The following LYN variants were observed in gnomAD, a reference collection of about 807,000 sequenced individuals.
LYN encodes the protein LYN proto-oncogene, Src family tyrosine kinase.
LYN carries 12 observed loss-of-function variants against 65.0 expected under a neutral mutation model. The ratio of observed to expected loss-of-function variants is 0.18; its 90% CI spans 0.12 to 0.30. LYN has a LOEUF of 0.30. LYN is among the 10% of genes least tolerant of loss of function. LYN has a pLI of 1.00. For synonymous variants in LYN, 222 were observed against 221.2 expected (o/e 1.00, Z -0.03); for missense variants, 380 against 623.2 (o/e 0.61, Z 4.16).
intron 1 of LYN, among the ~76,000 whole-genome samples, chr8:55,890,806 T>C (rs568869594): frequency 1.1e-4 from 16 of 151,758 alleles, no homozygotes; most frequent in African/African-American, 3.6e-4. Flanking sequence ...CAGCTCACTA[T>C]AGACTTGACT....
At chr8:55,933,952 G>A (rs1806340230) in intron 1 of LYN, among the ~76,000 whole-genome samples, 1 of 152,228 alleles carries the variant, frequency 6.6e-6, no homozygotes, top group Non-Finnish European at 1.5e-5. Context: ...CTTTGGCCAG[G>A]CGCAGTGGCT....
At chr8:55,928,299 C>A (rs1305081461) in intron 1 of LYN, among the ~76,000 whole-genome samples, 1 of 152,168 alleles carries the variant, frequency 6.6e-6, no homozygotes, top group Non-Finnish European at 1.5e-5. Flanking sequence ...GCAAGCGCCA[C>A]CACGCCCGGC....
chr8:55,951,009 G>A (rs928824327), intron 6 of LYN, among the ~76,000 whole-genome samples: 1 of 152,126 alleles, frequency 6.6e-6, no homozygotes, highest in Non-Finnish European at 1.5e-5. Flanking sequence ...TTGGGAGGCT[G>A]AGGCGAGAGG....
At chr8:55,991,237 A>G (rs1808239678) in intron 10 of LYN, among the ~76,000 whole-genome samples, 1 of 152,148 alleles carries the variant, frequency 6.6e-6, no homozygotes, top group Non-Finnish European at 1.5e-5. Flanking sequence ...TGAAGGGTTG[A>G]CACTTCCTGT....
chr8:55,903,323 A>G (rs1453551551), intron 1 of LYN, among the ~76,000 whole-genome samples: 1 of 152,202 alleles, frequency 6.6e-6, no homozygotes, highest in Admixed American at 6.5e-5. Flanking sequence ...AGTTGTCTTC[A>G]TGGTGAGCAG....
intron 8 of LYN, among the ~76,000 whole-genome samples, chr8:55,959,560 C>T (rs1305952329): frequency 6.6e-6 from 1 of 151,978 alleles, no homozygotes; most frequent in African/African-American, 2.4e-5. Context: ...AAGAAATTGC[C>T]CAGGGTTTCC....
chr8:55,976,556 A>G (rs1408580844), intron 10 of LYN, among the ~76,000 whole-genome samples: 1 of 152,102 alleles, frequency 6.6e-6, no homozygotes, highest in Admixed American at 6.5e-5. Flanking sequence ...GGCACATGGC[A>G]TGGAGTGGGG....
chr8:56,008,187 A>T (rs1452529695), intron 12 of LYN, among the ~76,000 whole-genome samples: 1 of 152,164 alleles, frequency 6.6e-6, no homozygotes, highest in Non-Finnish European at 1.5e-5. Context: ...CAATTTGTTG[A>T]TCCCAAATTG....
chr8:55,953,075 T>C (rs902562361), intron 7 of LYN, among the ~76,000 whole-genome samples: 1 of 152,212 alleles, frequency 6.6e-6, no homozygotes, highest in Non-Finnish European at 1.5e-5. Context: ...TTGTAGATTC[T>C]TGCCTTCCTC....
chr8:55,889,178 G>A (rs73604848), intron 1 of LYN, among the ~76,000 whole-genome samples: 79 of 152,122 alleles, frequency 5.2e-4, no homozygotes, highest in Admixed American at 1.4e-3. Context: ...CCAGGCCTGC[G>A]TAATTTTTTT....
chr8:55,886,073 TC>T (rs143083385), intron 1 of LYN, among the ~76,000 whole-genome samples: 1,788 of 152,278 alleles, frequency 0.012, 30 homozygotes, highest in African/African-American at 0.041. Flanking sequence ...ATTTTGAAAT[TC>T]CCCGTCATGG....
chr8:56,000,133 C>T (rs1000637292), intron 12 of LYN, among the ~76,000 whole-genome samples: 8 of 152,124 alleles, frequency 5.3e-5, no homozygotes, highest in East Asian at 1.9e-4. Flanking sequence ...TTGTTGGTGT[C>T]GAGATGAGGA....
Position 56,010,821 on chromosome 8 carries a change from A to AG in LYN, c.*713dup, listed in dbSNP as rs1808794345. 4.3e-6 allele frequency: 1 copy of AG among 230,566 alleles called. No individual in the cohort carries two copies. Among genetic ancestry groups the AG allele is most frequent in the South Asian group, 1.8e-4 (1 of 5,510 alleles). 14.3% of individuals were successfully genotyped at this position (230,566 alleles called of 1,614,324 possible). A position where few individuals can be genotyped will look rare whatever the true frequency, so the allele number is the denominator to read the frequency against. Reference sequence around the variant, plus strand: ...ACAGCTGCCCTGTCTGCTCACCCGAAGGCACCGGGCTCACCTGGACCTCCC... The same window carrying AG: ...ACAGCTGCCCTGTCTGCTCACCCGAAGGGCACCGGGCTCACCTGGACCTCCC... On this transcript the variant is annotated 3_prime_UTR_variant, in exon 13 of 13. Transcript: ENST00000519728.
chr8:55,887,902 G>A (rs1420017020), intron 1 of LYN, among the ~76,000 whole-genome samples: 4 of 152,148 alleles, frequency 2.6e-5, no homozygotes, highest in South Asian at 4.1e-4. Flanking sequence ...AAGTCATTGC[G>A]CCTGGCTCCT....
chr8:55,959,154 G>T (rs1807204217), intron 8 of LYN, among the ~76,000 whole-genome samples: 2 of 152,132 alleles, frequency 1.3e-5, no homozygotes, highest in Non-Finnish European at 2.9e-5. Flanking sequence ...TTTGTTGTTG[G>T]CTGGTTGGCT....
chr8:55,940,983 CA>C (rs1391802829), intron 1 of LYN, among the ~76,000 whole-genome samples: 6 of 152,202 alleles, frequency 3.9e-5, no homozygotes, highest in African/African-American at 1.4e-4. Context: ...GTAGCTTACT[CA>C]GTAGCCCTAC....
chr8:55,913,522 A>C (rs143882129), intron 1 of LYN, among the ~76,000 whole-genome samples: 21 of 152,326 alleles, frequency 1.4e-4, no homozygotes, highest in African/African-American at 5.1e-4. Flanking sequence ...TTTCAACTAC[A>C]TTAAAGGTAC....
chr8:55,973,129 C>T (rs2317200), intron 10 of LYN, among the ~76,000 whole-genome samples: 1 of 152,170 alleles, frequency 6.6e-6, no homozygotes, highest in African/African-American at 2.4e-5. Flanking sequence ...CTGGCCTCTT[C>T]TTCCCGCTCC....
chr8:55,937,763 T>G (rs893410080), intron 1 of LYN, among the ~76,000 whole-genome samples: 4 of 152,178 alleles, frequency 2.6e-5, no homozygotes, highest in Admixed American at 2.6e-4. Context: ...CACAACAATC[T>G]TGGCTTACTG....
Sources: gnomAD v4.1 joint callset for allele counts (sites outside exome capture counted in the v4.1 genomes callset) on GRCh38, gnomAD v4.1.1 for gene constraint, MANE v1.5 for transcripts, NCBI Gene and HGNC (gene_info 2026-07-23, HGNC 2026-07-21) for gene names.